The following FES variants were observed in gnomAD, a reference collection of about 807,000 sequenced individuals.
The protein encoded by FES is FES proto-oncogene, tyrosine kinase, also known as tyrosine-protein kinase Fes/Fps.
A neutral mutation model predicts 109.6 loss-of-function variants in FES; 83 were observed. The observed-to-expected ratio is 0.76, with a 90% CI of 0.63 to 0.91. FES has a LOEUF of 0.91. FES is among the 40% of genes least tolerant of loss of function. The pLI is 0.00. For missense variants in FES, 943 were observed against 1,070.9 expected (o/e 0.88, Z 1.67); for synonymous variants, 458 against 442.1 (o/e 1.04, Z -0.45).
intron 5 of FES, among the ~76,000 whole-genome samples, chr15:90,887,762 T>C (rs62026673): frequency 0.018 from 2,747 of 152,008 alleles, 55 homozygotes; most frequent in Non-Finnish European, 0.027. Context: ...AGGGAGGAGG[T>C]GACAGTTGTC....
Position 90,890,964 on chromosome 15 carries a change from C to T in FES, c.1321-18C>T, listed in dbSNP as rs780219022. 8.3e-6 allele frequency: 13 copies of T among 1,563,234 alleles called. No individual in the cohort carries two copies. Among genetic ancestry groups the T allele is most frequent in the East Asian group, 2.3e-5 (1 of 42,690 alleles). ...ACAAGGTGGTTAAGTGACTCCTCCT[C>T]GATCCTCCCTTGCCCAGCTCCCTCC... is the stretch of plus-strand genomic sequence containing the variant. On this transcript the variant is annotated intron_variant, in intron 10 of 18. Coordinates refer to ENST00000328850, the MANE Select transcript of FES (RefSeq NM_002005.4).
At chr15:90,887,487 A>C in intron 5 of FES, 117 bp downstream of exon 5, 1 of 1,116,508 alleles carries the variant, frequency 9.0e-7, no homozygotes, top group Non-Finnish European at 1.2e-6. Context: ...CCATGTAACC[A>C]CATGAGAACG....
rs764179927 is a variant in FES, at chr15:90,894,073, A to G, written c.2326+15A>G. ...TGTGGAGAAGGGTAAGCACCCTGTG[A>G]TGACAGCAGCCTCAGGCTGCACCCT... On this transcript the variant is annotated intron_variant, in intron 18 of 18. Coordinates refer to ENST00000328850, the MANE Select transcript of FES (RefSeq NM_002005.4). 1.2e-6 allele frequency: 2 copies of G among 1,613,210 alleles called. No individual in the cohort carries two copies. Among genetic ancestry groups the G allele is most frequent in the Non-Finnish European group, 1.7e-6 (2 of 1,179,792 alleles).
intron 10 of FES, 81 bp from the exon 11 acceptor site, chr15:90,890,901 G>A: frequency 7.4e-7 from 1 of 1,351,126 alleles, no homozygotes; most frequent in East Asian, 2.5e-5. Context: ...CATATAGGGG[G>A]GAGAGAGAGA....
At chr15:90,894,695 G>C (rs942041575) in intron 18 of FES, among the ~76,000 whole-genome samples, 2 of 152,214 alleles carry the variant, frequency 1.3e-5, no homozygotes, top group African/African-American at 4.8e-5. Flanking sequence ...GAGCCCGGGA[G>C]GTGGAGGTTG....
chr15:90,890,325 C>T (rs905679236), intron 9 of FES, 47 bp downstream of exon 9: 1 of 1,590,614 alleles, frequency 6.3e-7, no homozygotes, highest in Non-Finnish European at 8.6e-7. Context: ...GCCTGCCCAC[C>T]TGGGGCTGCG....
chr15:90,889,115 T>C lies in FES; in HGVS notation c.669-191T>C. 1 of 668,714 alleles carries C rather than the reference T, an allele frequency of 1.5e-6. No homozygotes were observed. The highest frequency in any genetic ancestry group is 2.5e-6 in the Non-Finnish European group (1 of 404,986). The allele number at this position is 668,714 out of a possible 1,614,324, so 41.4% of individuals were successfully genotyped here. On this transcript the variant is annotated intron_variant, in intron 5 of 18. Coordinates refer to ENST00000328850, the MANE Select transcript of FES (RefSeq NM_002005.4). The surrounding 1 kb of genome is among the most constrained non-coding windows in gnomAD (Gnocchi z 6.1). ...TGGATCCTTATTACAACTGCCAGTG[T>C]CCCTCTTATATATATCAGGAAATAG...
At chr15:90,895,376 C>A in intron 18 of FES, 40 bp from the exon 19 acceptor site, 1 of 1,468,010 alleles carries the variant, frequency 6.8e-7, no homozygotes, top group Non-Finnish European at 9.1e-7. Flanking sequence ...GACCCTCAAA[C>A]TCCCTCCTCA....
rs2032968527 is a variant in FES at position 90,889,301 on chromosome 15, G to T, written c.669-5G>T. ...CCCTGACTGGGGATCCCGTCTCGGG[G>T]GCAGGAAGGAGATCCTGCAGGAATA... On this transcript the variant is annotated splice_region_variant and splice_polypyrimidine_tract_variant and intron_variant, in intron 5 of 18. Transcript: ENST00000328850. This position sits in a 1 kb window ranked among gnomAD's most constrained non-coding sequence, Gnocchi z 6.1. 1 of 1,613,044 alleles carries T rather than the reference G, an allele frequency of 6.2e-7. No individual in the cohort carries two copies. The highest frequency in any genetic ancestry group is 1.3e-5 in the African/African-American group (1 of 75,030).
intron 5 of FES, 26 bp downstream of exon 5, chr15:90,887,396 C>T: frequency 3.8e-6 from 6 of 1,584,640 alleles, no homozygotes; most frequent in Non-Finnish European, 5.2e-6. Context: ...CGTCCCCTGG[C>T]CCCCACCCTT....
rs146783075 is a variant in FES, at chr15:90,890,756, C to A, written c.1321-226C>A. Among the ~76,000 whole-genome samples, 278 of 152,180 alleles carry A rather than the reference C, an allele frequency of 1.8e-3. 3 individuals are homozygous for A. The highest frequency in any genetic ancestry group is 6.8e-3 in the Middle Eastern group (2 of 294). On this transcript the variant is annotated intron_variant, in intron 10 of 18. Coordinates refer to ENST00000328850, the MANE Select transcript of FES (RefSeq NM_002005.4). ...GCCTGTGGCCTGGAGGAGGAGGCAC[C>A]AGCTTGGTTTGGGGTCTTCCTGCCT...
At chr15:90,891,276 G>A (rs753716736) in intron 11 of FES, 85 bp downstream of exon 11, 2 of 1,474,232 alleles carry the variant, frequency 1.4e-6, no homozygotes, top group Middle Eastern at 2.4e-4. Flanking sequence ...TTCAGGGTAG[G>A]GGGTAGCTGC....
At chr15:90,893,872 C>T in intron 17 of FES, 61 bp downstream of exon 17, 1 of 1,606,984 alleles carries the variant, frequency 6.2e-7, no homozygotes. Flanking sequence ...GTCCTGCCGG[C>T]TGCCTCGCCC....
At chr15:90,887,501 C>G in intron 5 of FES, 131 bp downstream of exon 5, 1 of 973,960 alleles carries the variant, frequency 1.0e-6, no homozygotes, top group Non-Finnish European at 1.5e-6. Context: ...GAGAACGGGA[C>G]CTGGGCCAAG....
rs1182779834 is a variant in FES at position 90,892,821 on chromosome 15, G to A, written c.1822G>A (p.Ala608Thr). The part of the protein sequence containing the change: ...PDLKAKFLQE[A>T]RILKQYSHPN... ...CCTCAAGGCCAAGTTTCTACAGGAA[G>A]CGAGGTGGGTGATAAACTAATGATC... Residue 608 changes from alanine (A) to threonine (T), a missense_variant, in exon 14 of 19, where the codon GCG (alanine) becomes ACG (threonine). By Grantham distance (58) the Ala-to-Thr change is moderately conservative. Transcript: ENST00000328850. 6.2e-7 allele frequency: 1 copy of A among 1,613,404 alleles called. No homozygotes were observed. Among genetic ancestry groups the A allele is most frequent in the Admixed American group, 1.7e-5 (1 of 60,020 alleles).
intron 8 of FES, 55 bp downstream of exon 8, chr15:90,890,017 C>T: frequency 6.3e-7 from 1 of 1,594,554 alleles, no homozygotes; most frequent in South Asian, 1.1e-5. Flanking sequence ...TCCTACCTAC[C>T]CTAACTGCTG....
At position 90,891,564 on chromosome 15, in the gene FES, G is replaced by T. The variant is rs762213064; in HGVS notation, c.1541G>T (p.Arg514Leu). The change falls in exon 12 of 19, where the codon CGA becomes CTA. Residue 514 changes from arginine to leucine, a missense_variant. Transcript: ENST00000328850. ...TCCCCTGCCCTGCAGAACCTGTACC[G>T]ACTGGAAGGGGAAGGCTTTCCTAGC... ...FIIQSLDNLY[R>L]LEGEGFPSIP... The T allele has an allele frequency of 5.6e-6, 9 of 1,613,724 alleles. No homozygotes were observed. The South Asian group carries it at 7.7e-5, about 14-fold the overall frequency.
rs934116317 is a variant in FES, at chr15:90,891,563, C to T, written c.1540C>T (p.Arg514Ter). The T allele has an allele frequency of 6.2e-6, 10 of 1,613,810 alleles. No individual in the cohort carries two copies. The highest frequency in any genetic ancestry group is 1.1e-5 in the South Asian group (1 of 91,088). Residue 514 changes from arginine (R) to a stop codon, truncating the protein, a stop_gained, in exon 12 of 19, where the codon CGA becomes TGA. Coordinates refer to ENST00000328850, the MANE Select transcript of FES (RefSeq NM_002005.4). LOFTEE classifies it high-confidence loss of function. ...GTCCCCTGCCCTGCAGAACCTGTAC[C>T]GACTGGAAGGGGAAGGCTTTCCTAG... Reference protein sequence around the residue: ...FIIQSLDNLYRLEGEGFPSIP... With the variant: ...FIIQSLDNLY
Position 90,889,556 on chromosome 15 carries a change from G to A in FES, c.846G>A (p.Glu282=), listed in dbSNP as rs2032995307. Residue 282 remains glutamate (E), a synonymous_variant, in exon 7 of 19, where the codon GAG becomes GAA. Coordinates refer to ENST00000328850, the MANE Select transcript of FES (RefSeq NM_002005.4). The surrounding 1 kb of genome is among the most constrained non-coding windows in gnomAD (Gnocchi z 6.1). ...PDVPPCVTFD[E]SLLEEGEPLE... is the part of the protein sequence containing the mutation. ...TCCCACCCTGTGTCACGTTCGATGA[G>A]TCACTGCTTGAGGAGGGTGAACCGC... 2.5e-6 allele frequency: 4 copies of A among 1,613,738 alleles called. No individual in the cohort carries two copies. The highest frequency in any genetic ancestry group is 3.4e-6 in the Non-Finnish European group (4 of 1,180,022).
Sources: gnomAD v4.1 joint callset for allele counts (sites outside exome capture counted in the v4.1 genomes callset) on GRCh38, gnomAD v4.1.1 for gene constraint, Gnocchi (gnomAD v3.1) non-coding constraint, MANE v1.5 for transcripts, NCBI Gene and HGNC (gene_info 2026-07-23, HGNC 2026-07-21) for gene names.